Variants in EXD3 observed in about 807,000 individuals in gnomAD.
EXD3 encodes exonuclease mut-7 homolog.
A neutral mutation model predicts 98.0 loss-of-function variants in EXD3; 92 were observed. The observed-to-expected ratio is 0.94, with a 90% CI of 0.79 to 1.12. The LOEUF is 1.12. Among genes scored for constraint, EXD3 ranks in the 50% most tolerant of loss-of-function variants. The probability of loss-of-function intolerance (pLI) is 0.00; values close to 1 mark genes in which losing one functional copy is unlikely to be tolerated. For synonymous variants in EXD3, 569 were observed against 526.0 expected, an observed-to-expected ratio of 1.08 and a Z score of -1.12; for missense variants, 1,222 against 1,191.6, an observed-to-expected ratio of 1.03 and a Z score of -0.38.
chr9:137,336,656 TA>T (rs34705760), intron 17 of EXD3, among the ~76,000 whole-genome samples: 1,320 of 112,578 alleles, frequency 0.012, 14 homozygotes, highest in African/African-American at 0.041. Flanking sequence ...AGACTCCGTC[TA>T]AAAAAAAAAA....
In EXD3 at chr9:137,417,233, C is replaced by T. The variant is rs1046076736; in HGVS notation, c.-48+5881G>A. On this transcript the variant is annotated intron_variant, in intron 1 of 21. Transcript: ENST00000340951. ...CTCGCACAGAGGACGCGGCCACGGA[C>T]TCACGCGGGCGCCGCAGGGACGGGG... 2.0e-5 allele frequency among the ~76,000 whole-genome samples: 3 copies of T among 152,326 alleles called. No homozygotes were observed. The East Asian group carries it at 5.8e-4, about 30-fold the overall frequency.
intron 1 of EXD3, among the ~76,000 whole-genome samples, chr9:137,411,560 C>T (rs868636048): frequency 6.6e-6 from 1 of 151,860 alleles, no homozygotes; most frequent in Non-Finnish European, 1.5e-5. Context: ...CTTGAAGGAC[C>T]CCACAAGAAC....
At chr9:137,401,156 T>C (rs1182309712) in intron 1 of EXD3, among the ~76,000 whole-genome samples, 1 of 145,082 alleles carries the variant, frequency 6.9e-6, no homozygotes, top group Non-Finnish European at 1.5e-5. Flanking sequence ...CATTTCCTTT[T>C]TTTTTTTTTT....
At chr9:137,343,795 A>G (rs1255642872) in intron 17 of EXD3, among the ~76,000 whole-genome samples, 2 of 149,112 alleles carry the variant, frequency 1.3e-5, no homozygotes, top group African/African-American at 2.5e-5. Flanking sequence ...TCCCCGTGTT[A>G]GCCAGGGTGG....
In EXD3 at chr9:137,371,739, G is replaced by A. The variant is rs559954241; in HGVS notation, c.462+1166C>T. Among the ~76,000 whole-genome samples, 396 of 151,144 alleles carry A rather than the reference G, an allele frequency of 2.6e-3. 3 individuals are homozygous for A. The highest frequency in any genetic ancestry group is 9.3e-3 in the African/African-American group (382 of 41,226). On this transcript the variant is annotated intron_variant, in intron 5 of 21. Transcript: ENST00000340951. This position sits in a 1 kb window ranked among gnomAD's most constrained non-coding sequence, Gnocchi z 8.0. ...GGACACCCCTGGGCCAAGCACCCCC[G>A]GGCCGAGCACCCCCAAGCAGGACAT...
At chr9:137,402,350 A>C (rs1454157459) in intron 1 of EXD3, among the ~76,000 whole-genome samples, 1 of 152,104 alleles carries the variant, frequency 6.6e-6, no homozygotes, top group African/African-American at 2.4e-5. Context: ...TCAGCTTTTG[A>C]ATGCTTTGCT....
At chr9:137,336,139 T>G (rs1588287673) in intron 17 of EXD3, among the ~76,000 whole-genome samples, 2 of 151,460 alleles carry the variant, frequency 1.3e-5, no homozygotes, top group Admixed American at 1.3e-4. Flanking sequence ...GGCTCAGAGG[T>G]GGGGAGGGCA....
At chr9:137,337,781 G>T (rs1299690437) in intron 17 of EXD3, among the ~76,000 whole-genome samples, 2 of 151,628 alleles carry the variant, frequency 1.3e-5, no homozygotes, top group African/African-American at 2.4e-5. Context: ...GGAATACCAT[G>T]TATCTTTTTT....
intron 3 of EXD3, chr9:137,374,986 G>T: frequency 2.4e-6 from 1 of 418,356 alleles, no homozygotes; most frequent in Non-Finnish European, 3.2e-6. Flanking sequence ...CTAGTAAGTT[G>T]TAGCTCTTGT....
At chr9:137,378,362 C>T (rs115621781) in intron 3 of EXD3, among the ~76,000 whole-genome samples, 4 of 152,206 alleles carry the variant, frequency 2.6e-5, no homozygotes, top group Admixed American at 1.3e-4. Flanking sequence ...GTGCATGCCA[C>T]CACGCTCGGC....
intron 1 of EXD3, among the ~76,000 whole-genome samples, chr9:137,397,345 C>G (rs963951958): frequency 2.0e-5 from 3 of 152,110 alleles, no homozygotes; most frequent in African/African-American, 7.2e-5. Flanking sequence ...CTAGGCTCTC[C>G]GAAGAGCCCC....
intron 8 of EXD3, among the ~76,000 whole-genome samples, chr9:137,355,671 G>A (rs1455623940): frequency 5.2e-5 from 1 of 19,084 alleles, no homozygotes; most frequent in Non-Finnish European, 1.1e-4. Flanking sequence ...GAAGGAGAAA[G>A]GGAGGATGGA....
intron 7 of EXD3, among the ~76,000 whole-genome samples, chr9:137,358,157 T>C (rs1290803400): frequency 6.6e-6 from 1 of 152,202 alleles, no homozygotes. Context: ...AGTGTGTTAG[T>C]GTTAGCATGC....
Position 137,366,502 on chromosome 9 carries a change from TC to T in EXD3, c.646del (p.Asp216ThrfsTer9). The T allele has an allele frequency of 6.4e-7, 1 of 1,550,638 alleles. No individual in the cohort carries two copies. Among genetic ancestry groups the T allele is most frequent in the African/African-American group, 1.4e-5 (1 of 73,098 alleles). On this transcript the variant is annotated frameshift_variant, in exon 7 of 22. Transcript: ENST00000340951. LOFTEE classifies it high-confidence loss of function. ...SWCQPGFDIK[D>X]VARRYPEVTS... ...GCCCCACGGGACTCACCTGGCAACG[TC>T]CTTGATGTCAAAGCCGGGCTGGCAC...
Position 137,372,966 on chromosome 9 carries a change from G to A in EXD3, c.401C>T (p.Ala134Val), listed in dbSNP as rs1341360075. 5 of 1,603,510 alleles carry A rather than the reference G, an allele frequency of 3.1e-6. No individual in the cohort carries two copies. The South Asian group carries it at 4.4e-5, about 14-fold the overall frequency. Residue 134 changes from alanine (A) to valine (V), a missense_variant, in exon 5 of 22, where the codon GCA (alanine) becomes GTA (valine). By Grantham distance (64) the Ala-to-Val change is moderately conservative. Coordinates refer to ENST00000340951, the MANE Select transcript of EXD3 (RefSeq NM_017820.5). Reference protein sequence around the residue: ...PLASIFQLQDADRSCLLAHVH... With the variant: ...PLASIFQLQDVDRSCLLAHVH... ...GTGTGCCAGCAGGCAGCTCCTGTCT[G>A]CATCCTGCAGCTGGAAGATGCTGGC...
chr9:137,389,652 G>C (rs961787085), intron 2 of EXD3, among the ~76,000 whole-genome samples: 6 of 152,114 alleles, frequency 3.9e-5, no homozygotes, highest in Non-Finnish European at 8.8e-5. Flanking sequence ...CGGAGCGAGA[G>C]GGACAGAGAG....
In EXD3 at chr9:137,349,638, C is replaced by A; in HGVS notation, c.1495-107G>T. The A allele has an allele frequency of 8.4e-7, 1 of 1,195,994 alleles. No individual in the cohort carries two copies. The highest frequency in any genetic ancestry group is 1.1e-6 in the Non-Finnish European group (1 of 896,932). 74.1% of individuals were successfully genotyped at this position (1,195,994 alleles called of 1,614,324 possible). A position where few individuals can be genotyped will look rare whatever the true frequency, so the allele number is the denominator to read the frequency against. ...GGGGGCTCTGGAGGAGGCCCCGCCC[C>A]CTCCACCAGCGGCCCCCACAGCAGA... On this transcript the variant is annotated intron_variant, in intron 14 of 21. Coordinates refer to ENST00000340951, the MANE Select transcript of EXD3 (RefSeq NM_017820.5). This position sits in a 1 kb window ranked among gnomAD's most constrained non-coding sequence, Gnocchi z 7.4.
intron 1 of EXD3, among the ~76,000 whole-genome samples, chr9:137,412,421 C>A (rs1201681561): frequency 6.6e-6 from 1 of 152,228 alleles, no homozygotes; most frequent in African/African-American, 2.4e-5. Context: ...TCACTTGTTT[C>A]TCAGTTTTTA....
intron 9 of EXD3, 93 bp from the exon 10 acceptor site, chr9:137,354,470 C>T: frequency 1.3e-6 from 2 of 1,580,582 alleles, no homozygotes; most frequent in East Asian, 4.6e-5. Flanking sequence ...TGGCAGGGTA[C>T]ATCCTTGGCA....
Sources: allele counts gnomAD v4.1 joint callset (sites outside exome capture counted in the v4.1 genomes callset), GRCh38; gene constraint gnomAD v4.1.1; non-coding constraint Gnocchi (gnomAD v3.1); transcripts MANE v1.5; gene names NCBI Gene and HGNC (gene_info 2026-07-23, HGNC 2026-07-21).